Variants in PDE4D observed in about 807,000 individuals in gnomAD.
The protein encoded by PDE4D is phosphodiesterase 4D.
In PDE4D, 24 loss-of-function variants were observed where a neutral mutation model predicts 87.4. That is an observed-to-expected ratio of 0.27 (90% CI 0.20 to 0.39). PDE4D has a LOEUF of 0.39. Ranked by LOEUF, PDE4D falls within the 10% of genes least tolerant of loss-of-function variation. The pLI is 1.00. For synonymous variants in PDE4D, 384 were observed against 383.2 expected, an observed-to-expected ratio of 1.00 and a Z score of -0.02; for missense variants, 714 against 1,041.0, an observed-to-expected ratio of 0.69 and a Z score of 4.32.
At chr5:60,426,682 T>A (rs955028315) in intron 1 of PDE4D, among the ~76,000 whole-genome samples, 1 of 151,842 alleles carries the variant, frequency 6.6e-6, no homozygotes, top group Non-Finnish European at 1.5e-5. Context: ...AAGCATAATT[T>A]AAAAAAATGA....
intron 5 of PDE4D, among the ~76,000 whole-genome samples, chr5:59,105,566 A>G (rs1204582819): frequency 6.6e-6 from 1 of 152,228 alleles, no homozygotes; most frequent in Non-Finnish European, 1.5e-5. Context: ...GGATTTAATC[A>G]AAACTGTCAG....
chr5:59,170,886 T>C (rs576389478), intron 5 of PDE4D, among the ~76,000 whole-genome samples: 103 of 151,684 alleles, frequency 6.8e-4, no homozygotes, highest in African/African-American at 2.4e-3. Context: ...TTTCACTTTT[T>C]TTTTTTTTTT....
intron 1 of PDE4D, among the ~76,000 whole-genome samples, chr5:60,341,699 C>T (rs1474551177): frequency 1.3e-5 from 2 of 152,160 alleles, no homozygotes; most frequent in African/African-American, 4.8e-5. Flanking sequence ...CACTGTGTTG[C>T]TATTACCCTG....
intron 1 of PDE4D, among the ~76,000 whole-genome samples, chr5:59,290,801 T>C (rs1035487785): frequency 4.6e-5 from 7 of 151,978 alleles, no homozygotes; most frequent in East Asian, 1.9e-4. Flanking sequence ...AAAGAAGACA[T>C]AAAAATGGTA....
At chr5:60,324,849 C>A (rs1756635991) in intron 1 of PDE4D, among the ~76,000 whole-genome samples, 1 of 152,120 alleles carries the variant, frequency 6.6e-6, no homozygotes, top group South Asian at 2.1e-4. Flanking sequence ...GTGAGATAAT[C>A]CTATGAAACA....
chr5:59,974,523 T>C (rs1252419480), intron 3 of PDE4D, among the ~76,000 whole-genome samples: 1 of 152,116 alleles, frequency 6.6e-6, no homozygotes, highest in African/African-American at 2.4e-5. Context: ...TATTCTCCAA[T>C]AGATGCTGAA....
At position 59,197,251 on chromosome 5, in the gene PDE4D, T is replaced by C. The variant is rs569205514; in HGVS notation, c.648-3715A>G. ...TTTGGTTGTATCTCCTTTATAAGTA[T>C]TATAAGTAATACACTTTACAATATT... is the stretch of plus-strand genomic sequence containing the variant. On this transcript the variant is annotated intron_variant, in intron 2 of 14. Coordinates refer to ENST00000340635, the MANE Select transcript of PDE4D (RefSeq NM_001104631.2). 1.9e-4 allele frequency among the ~76,000 whole-genome samples: 29 copies of C among 152,302 alleles called. 1 individual carries two copies. The highest frequency in any genetic ancestry group is 6.7e-4 in the African/African-American group (28 of 41,574).
At position 60,367,246 on chromosome 5, in the gene PDE4D, C is replaced by T. The variant is rs554111818; in HGVS notation, c.-90+120696G>A. Among the ~76,000 whole-genome samples the T allele has an allele frequency of 4.6e-5, 7 of 151,898 alleles. 1 individual carries two copies. Among genetic ancestry groups the T allele is most frequent in the African/African-American group, 1.7e-4 (7 of 41,414 alleles). Reference sequence around the variant, plus strand: ...GGCAGATCACCTGGAGTCAGGAGTTCGAGACCAGCCTGACCAACATGTAGA... The same window carrying T: ...GGCAGATCACCTGGAGTCAGGAGTTTGAGACCAGCCTGACCAACATGTAGA... On this transcript the variant is annotated intron_variant, in intron 1 of 16. Transcript: ENST00000502484.
At chr5:60,278,063 C>T (rs1751551961) in intron 1 of PDE4D, among the ~76,000 whole-genome samples, 1 of 152,150 alleles carries the variant, frequency 6.6e-6, no homozygotes, top group South Asian at 2.1e-4. Context: ...TTTTATGTTA[C>T]TTCCTTTCTG....
At chr5:59,246,910 AGTGT>A (rs769080713) in intron 1 of PDE4D, among the ~76,000 whole-genome samples, 2 of 148,778 alleles carry the variant, frequency 1.3e-5, no homozygotes, top group African/African-American at 2.4e-5. Context: ...ACATTATCAC[AGTGT>A]GTGTGTGTAT....
intron 3 of PDE4D, among the ~76,000 whole-genome samples, chr5:59,950,655 C>T (rs1758198680): frequency 6.6e-6 from 1 of 152,076 alleles, no homozygotes; most frequent in Non-Finnish European, 1.5e-5. Context: ...TTCTTGGCTG[C>T]CCTTTCCCTT....
intron 1 of PDE4D, among the ~76,000 whole-genome samples, chr5:59,319,165 TG>T (rs1774267707): frequency 8.4e-5 from 4 of 47,736 alleles, no homozygotes. Context: ...TATATATGTG[TG>T]TGTGTGTGTG....
intron 1 of PDE4D, among the ~76,000 whole-genome samples, chr5:59,457,722 C>G (rs1007536661): frequency 6.6e-6 from 1 of 151,996 alleles, no homozygotes; most frequent in Non-Finnish European, 1.5e-5. Context: ...GAAACCCCAT[C>G]TCAAGTAAAA....
At chr5:60,223,630 C>G (rs1431540242) in intron 1 of PDE4D, among the ~76,000 whole-genome samples, 1 of 152,010 alleles carries the variant, frequency 6.6e-6, no homozygotes, top group African/African-American at 2.4e-5. Flanking sequence ...CTGATCACAA[C>G]CGAAAAACCA....
intron 1 of PDE4D, among the ~76,000 whole-genome samples, chr5:59,520,292 A>C (rs929965070): frequency 1.3e-5 from 2 of 151,980 alleles, no homozygotes; most frequent in African/African-American, 2.4e-5. Context: ...GAAACATGAG[A>C]CCATTTATGG....
chr5:59,817,804 G>A (rs1345570703), intron 1 of PDE4D, among the ~76,000 whole-genome samples: 1 of 150,502 alleles, frequency 6.6e-6, no homozygotes, highest in African/African-American at 2.4e-5. Flanking sequence ...GTCTGTGTCT[G>A]CAGGCCAAGA....
In PDE4D at chr5:59,358,425, C is replaced by T. The variant is rs150851368; in HGVS notation, c.456-142457G>A. On this transcript the variant is annotated intron_variant, in intron 1 of 14. Transcript: ENST00000340635. ...AGATCCAAATTTCGCATGAGCAAAA[C>T]AGGTAGCCACTTTCCTGGTGTTCTC... Among the ~76,000 whole-genome samples the T allele has an allele frequency of 1.0e-3, 156 of 152,298 alleles. 3 individuals carry two copies. In the East Asian group the frequency reaches 0.028, roughly 27 times the overall value.
chr5:59,140,436 G>C (rs1777723148), intron 5 of PDE4D, among the ~76,000 whole-genome samples: 1 of 152,166 alleles, frequency 6.6e-6, no homozygotes, highest in South Asian at 2.1e-4. Flanking sequence ...AGGGATGGTG[G>C]AGTTAGTTTA....
intron 1 of PDE4D, among the ~76,000 whole-genome samples, chr5:60,273,729 GA>G (rs375351404): frequency 1.3e-5 from 2 of 152,158 alleles, no homozygotes; most frequent in African/African-American, 4.8e-5. Context: ...GAGGGAAGGA[GA>G]ATCAAAAATG....
Sources: gnomAD v4.1 joint callset for allele counts (sites outside exome capture counted in the v4.1 genomes callset) on GRCh38, gnomAD v4.1.1 for gene constraint, MANE v1.5 for transcripts, NCBI Gene and HGNC (gene_info 2026-07-23, HGNC 2026-07-21) for gene names.